The following GCNT3 variants were observed in gnomAD, a reference collection of about 807,000 sequenced individuals.
GCNT3 encodes the protein beta-1,3-galactosyl-O-glycosyl-glycoprotein beta-1,6-N-acetylglucosaminyltransferase 3.
For missense variants in GCNT3, 708 were observed against 530.3 expected (o/e 1.34, Z -3.29); for synonymous variants, 269 against 195.2 (o/e 1.38, Z -3.15).
At chr15:59,612,991 C>T (rs1375020410) in intron 1 of GCNT3, among the ~76,000 whole-genome samples, 1 of 151,904 alleles carries the variant, frequency 6.6e-6, no homozygotes, top group African/African-American at 2.4e-5. Flanking sequence ...CTTGTAACCA[C>T]CTTGAGTTAT....
At chr15:59,614,081 T>C (rs534625209) in intron 1 of GCNT3, among the ~76,000 whole-genome samples, 52 of 152,152 alleles carry the variant, frequency 3.4e-4, no homozygotes, top group Non-Finnish European at 6.9e-4. Flanking sequence ...AGGGAATCTA[T>C]AATGCAGTTT....
In GCNT3 at chr15:59,621,431, T is replaced by C. The variant is rs572542546; in HGVS notation, c.*1876T>C. On this transcript the variant is annotated 3_prime_UTR_variant, in exon 3 of 3. Transcript: ENST00000396065. ...CTTCTGTGATGGGCAAGGGATACTA[T>C]AAAAACATAGGCAGTGCCCTTTGAA... 6.6e-6 allele frequency: 1 copy of C among 151,928 alleles called. No homozygotes were observed. Among genetic ancestry groups the C allele is most frequent in the South Asian group, 2.1e-4 (1 of 4,816 alleles). 9.4% of individuals were successfully genotyped at this position (151,928 alleles called of 1,614,324 possible). A position where few individuals can be genotyped will look rare whatever the true frequency, so the allele number is the denominator to read the frequency against.
chr15:59,615,113 C>G (rs761828214), intron 1 of GCNT3: 2 of 152,202 alleles, frequency 1.3e-5, no homozygotes, highest in African/African-American at 2.4e-5. Flanking sequence ...TTGCAAACCA[C>G]GTTTCTGCTT....
intron 2 of GCNT3, among the ~76,000 whole-genome samples, chr15:59,617,165 G>GTTTTTTTTTTTTTTTTTTTTTTT (rs2082723241): frequency 1.6e-5 from 1 of 60,686 alleles, no homozygotes; most frequent in Non-Finnish European, 3.7e-5. Flanking sequence ...TTTTTCTTTT[G>GTTTTTTTTTTTTTTTTTTTTTTT]TTTTCTTTCT....
chr15:59,621,996 A>G lies in GCNT3; in HGVS notation c.*2441A>G, dbSNP rs939603294. 17 of 151,662 alleles carry G rather than the reference A, an allele frequency of 1.1e-4. No individual in the cohort carries two copies. Among genetic ancestry groups the G allele is most frequent in the Admixed American group, 8.5e-4 (13 of 15,240 alleles). 9.4% of individuals were successfully genotyped at this position (151,662 alleles called of 1,614,324 possible). A position where few individuals can be genotyped will look rare whatever the true frequency, so the allele number is the denominator to read the frequency against. On this transcript the variant is annotated 3_prime_UTR_variant, in exon 3 of 3. Transcript: ENST00000396065. ...TCTGACAGTTATCACTGTGTCTGACACAGTGAATTTTTTATTTATAAGGTA... is the reference window on the plus strand; with the variant it reads ...TCTGACAGTTATCACTGTGTCTGACGCAGTGAATTTTTTATTTATAAGGTA...
chr15:59,618,754 C>T lies in GCNT3; in HGVS notation c.516C>T (p.Phe172=), dbSNP rs1377342086. 2 of 1,614,202 alleles carry T rather than the reference C, an allele frequency of 1.2e-6. No individual in the cohort carries two copies. Among genetic ancestry groups the T allele is most frequent in the East Asian group, 4.5e-5 (2 of 44,888 alleles). ...TGGATGAGAAGTCCCCAGAAACTTT[C>T]AAAGAGGCGGTCAAAGCAATTATTT... ...VHVDEKSPET[F]KEAVKAIISC... is the part of the protein sequence containing the mutation. The change falls in exon 3 of 3, where the codon TTC becomes TTT. Residue 172 remains phenylalanine (F), a synonymous_variant. Coordinates refer to ENST00000396065, the MANE Select transcript of GCNT3 (RefSeq NM_004751.3).
At chr15:59,617,170 C>CTTTTTTTTTTTTTTTTT (rs373439386) in intron 2 of GCNT3, among the ~76,000 whole-genome samples, 3 of 82,386 alleles carry the variant, frequency 3.6e-5, no homozygotes, top group South Asian at 4.1e-4. Context: ...CTTTTGTTTT[C>CTTTTTTTTTTTTTTTTT]TTTCTTTCTT....
chr15:59,621,334 C>A lies in GCNT3; in HGVS notation c.*1779C>A, dbSNP rs1023764396. ...ATGTATACACACATACAGCACGCTA[C>A]CTCCCAAGTGTTACCTAGTGAAACA... On this transcript the variant is annotated 3_prime_UTR_variant, in exon 3 of 3. Coordinates refer to ENST00000396065, the MANE Select transcript of GCNT3 (RefSeq NM_004751.3). 2 of 152,022 alleles carry A rather than the reference C, an allele frequency of 1.3e-5. No individual in the cohort carries two copies. The highest frequency in any genetic ancestry group is 1.5e-5 in the Non-Finnish European group (1 of 68,014). The allele number at this position is 152,022 out of a possible 1,614,324, so 9.4% of individuals were successfully genotyped here. A position where few individuals can be genotyped will look rare whatever the true frequency, so the allele number is the denominator to read the frequency against.
In GCNT3 at chr15:59,622,577, C is replaced by G. The variant is rs758868440; in HGVS notation, c.*3022C>G. ...CTCTGAAGGAGGTAGAAGGGGCACA[C>G]GGCCACCGTGGGAAGTAGGCAGAAA... On this transcript the variant is annotated 3_prime_UTR_variant, in exon 3 of 3. Coordinates refer to ENST00000396065, the MANE Select transcript of GCNT3 (RefSeq NM_004751.3). The G allele has an allele frequency of 6.6e-6, 1 of 152,136 alleles. No homozygotes were observed. Among genetic ancestry groups the G allele is most frequent in the African/African-American group, 2.4e-5 (1 of 41,428 alleles). 9.4% of individuals were successfully genotyped at this position (152,136 alleles called of 1,614,324 possible). A position where few individuals can be genotyped will look rare whatever the true frequency, so the allele number is the denominator to read the frequency against.
Position 59,616,927 on chromosome 15 carries a change from A to G in GCNT3, c.-61+46A>G, listed in dbSNP as rs370641022. 2.6e-5 allele frequency: 4 copies of G among 152,132 alleles called. No individual in the cohort carries two copies. The East Asian group carries it at 5.8e-4, about 22-fold the overall frequency. The allele number at this position is 152,132 out of a possible 1,614,324, so 9.4% of individuals were successfully genotyped here. A position where few individuals can be genotyped will look rare whatever the true frequency, so the allele number is the denominator to read the frequency against. Reference sequence around the variant, plus strand: ...TCATTTTCCTTCCTCTTAGATTCCCATAAAAGCTATTACTAAAGAGAATAC... The same window carrying G: ...TCATTTTCCTTCCTCTTAGATTCCCGTAAAAGCTATTACTAAAGAGAATAC... On this transcript the variant is annotated intron_variant, in intron 2 of 2. Coordinates refer to ENST00000396065, the MANE Select transcript of GCNT3 (RefSeq NM_004751.3).
Position 59,619,196 on chromosome 15 carries a change from G to A in GCNT3, c.958G>A (p.Glu320Lys). 1 of 1,613,978 alleles carries A rather than the reference G, an allele frequency of 6.2e-7. No homozygotes were observed. The highest frequency in any genetic ancestry group is 1.7e-5 in the Admixed American group (1 of 60,022). The part of the protein sequence containing the change: ...LKNPKSQQLI[E>K]WVKDTYSPDE... ...GAACCCTAAATCCCAACAACTGATT[G>A]AATGGGTAAAAGACACTTATAGCCC... Residue 320 changes from glutamate (E) to lysine (K), a missense_variant, in exon 3 of 3, where the codon GAA becomes AAA. Coordinates refer to ENST00000396065, the MANE Select transcript of GCNT3 (RefSeq NM_004751.3).
Position 59,618,842 on chromosome 15 carries a change from A to T in GCNT3, c.604A>T (p.Arg202Trp). ...TCGGGTGGTTTATGCCTCCTGGTCC[A>T]GGGTGCAAGCTGACCTCAACTGCAT... ...LVRVVYASWS[R>W]VQADLNCMED... Residue 202 changes from arginine to tryptophan, a missense_variant, in exon 3 of 3, where the codon AGG becomes TGG. Arg to Trp is a moderately radical substitution (Grantham distance 101). Coordinates refer to ENST00000396065, the MANE Select transcript of GCNT3 (RefSeq NM_004751.3). 1 of 1,614,178 alleles carries T rather than the reference A, an allele frequency of 6.2e-7. No individual in the cohort carries two copies. The highest frequency in any genetic ancestry group is 8.5e-7 in the Non-Finnish European group (1 of 1,180,024).
In GCNT3 at chr15:59,617,170, C is replaced by CTTTTTTTTTTTTTT. The variant is rs373439386; in HGVS notation, c.-61+292_-61+293insTTTTTTTTTTTTTT. ...TTTTTCTTTATTTTTCTTTTGTTTT[C>CTTTTTTTTTTTTTT]TTTCTTTCTTTTTTTTTTTTTAAAG... On this transcript the variant is annotated intron_variant, in intron 2 of 2. Coordinates refer to ENST00000396065, the MANE Select transcript of GCNT3 (RefSeq NM_004751.3). Among the ~76,000 whole-genome samples the CTTTTTTTTTTTTTT allele has an allele frequency of 1.1e-4, 9 of 82,390 alleles. 2 individuals carry two copies. The highest frequency in any genetic ancestry group is 2.3e-4 in the African/African-American group (5 of 21,620). The allele number at this position is 82,390 out of a possible 152,430, so 54.1% of individuals were successfully genotyped here. A position where few individuals can be genotyped will look rare whatever the true frequency, so the allele number is the denominator to read the frequency against.
rs35956614 is a variant in GCNT3 at position 59,620,871 on chromosome 15, C to CTTTTTTTTTTTTTTTTTTTTTTT, written c.*1323_*1345dup. Reference sequence around the variant, plus strand: ...TGTTTAGGCCTCTTGAGTCAAAACTCTTTTTTTTTTTTTTTTTTTTTTTTT... The same window carrying CTTTTTTTTTTTTTTTTTTTTTTT: ...TGTTTAGGCCTCTTGAGTCAAAACTCTTTTTTTTTTTTTTTTTTTTTTTTTTTTTTTTTTTTTTTTTTTTTTTT... On this transcript the variant is annotated 3_prime_UTR_variant, in exon 3 of 3. Coordinates refer to ENST00000396065, the MANE Select transcript of GCNT3 (RefSeq NM_004751.3). The CTTTTTTTTTTTTTTTTTTTTTTT allele has an allele frequency of 2.0e-5, 1 of 51,110 alleles. No homozygotes were observed. Among genetic ancestry groups the CTTTTTTTTTTTTTTTTTTTTTTT allele is most frequent in the African/African-American group, 6.5e-5 (1 of 15,332 alleles). The allele number at this position is 51,110 out of a possible 1,614,324, so 3.2% of individuals were successfully genotyped here.
Position 59,618,865 on chromosome 15 carries a change from CATGGAAG to C in GCNT3, c.629_635del (p.Met210ThrfsTer13). On this transcript the variant is annotated frameshift_variant, in exon 3 of 3. Transcript: ENST00000396065. LOFTEE classifies it low-confidence loss of function (END_TRUNC). Reference sequence around the variant, plus strand: ...CCAGGGTGCAAGCTGACCTCAACTGCATGGAAGACTTGCTCCAGAGCTCAGTGCCGTG... The same window carrying C: ...CCAGGGTGCAAGCTGACCTCAACTGCACTTGCTCCAGAGCTCAGTGCCGTG... The C allele has an allele frequency of 6.2e-7, 1 of 1,614,158 alleles. No homozygotes were observed. The highest frequency in any genetic ancestry group is 8.5e-7 in the Non-Finnish European group (1 of 1,180,028).
At chr15:59,613,781 C>T (rs1479154058) in intron 1 of GCNT3, among the ~76,000 whole-genome samples, 2 of 151,888 alleles carry the variant, frequency 1.3e-5, no homozygotes, top group Non-Finnish European at 2.9e-5. Flanking sequence ...TTTTTAATCC[C>T]AGCACTTTGG....
In GCNT3 at chr15:59,622,503, A is replaced by G. The variant is rs1305257531; in HGVS notation, c.*2948A>G. 3 of 152,052 alleles carry G rather than the reference A, an allele frequency of 2.0e-5. No individual in the cohort carries two copies. The highest frequency in any genetic ancestry group is 4.1e-4 in the South Asian group (2 of 4,820). The allele number at this position is 152,052 out of a possible 1,614,324, so 9.4% of individuals were successfully genotyped here. ...GAGAGGTCTGTTGCCAGCAGTGGTGATCGATCACGGCCTCCCCCTGCTGGC... is the reference window on the plus strand; with the variant it reads ...GAGAGGTCTGTTGCCAGCAGTGGTGGTCGATCACGGCCTCCCCCTGCTGGC... On this transcript the variant is annotated 3_prime_UTR_variant, in exon 3 of 3. Coordinates refer to ENST00000396065, the MANE Select transcript of GCNT3 (RefSeq NM_004751.3).
At position 59,619,349 on chromosome 15, in the gene GCNT3, G is replaced by GGAGA; in HGVS notation, c.1112_1115dup (p.Asp372GlufsTer5). 6.2e-7 allele frequency: 1 copy of GGAGA among 1,614,108 alleles called. No individual in the cohort carries two copies. The highest frequency in any genetic ancestry group is 8.5e-7 in the Non-Finnish European group (1 of 1,180,030). ...GCTGGTCAAGTGGCAGGGTCATGAG[G>GGAGA]GAGACATCGATAAGGGTGCTCCTTA... On this transcript the variant is annotated frameshift_variant, in exon 3 of 3. Transcript: ENST00000396065. LOFTEE classifies it low-confidence loss of function (END_TRUNC).
chr15:59,617,170 C>CTTTTTTTTTTTTTTT (rs373439386), intron 2 of GCNT3, among the ~76,000 whole-genome samples: 2 of 82,392 alleles, frequency 2.4e-5, no homozygotes, highest in Non-Finnish European at 5.0e-5. Flanking sequence ...CTTTTGTTTT[C>CTTTTTTTTTTTTTTT]TTTCTTTCTT....
Sources: gnomAD v4.1 joint callset for allele counts (sites outside exome capture counted in the v4.1 genomes callset) on GRCh38, gnomAD v4.1.1 for gene constraint, MANE v1.5 for transcripts, NCBI Gene and HGNC (gene_info 2026-07-23, HGNC 2026-07-21) for gene names.